The following HTR4 variants were observed in gnomAD, a reference collection of about 807,000 sequenced individuals.
The protein encoded by HTR4 is 5-hydroxytryptamine receptor 4, also known as 5-hydroxytryptamine (serotonin) receptor 4, G protein-coupled.
A neutral mutation model predicts 36.8 loss-of-function variants in HTR4; 16 were observed. The ratio of observed to expected loss-of-function variants is 0.43; its 90% CI spans 0.29 to 0.66. HTR4 has a LOEUF of 0.66. HTR4 is among the 30% of genes least tolerant of loss of function. The probability of loss-of-function intolerance (pLI) is 0.13; values close to 1 mark genes in which losing one functional copy is unlikely to be tolerated. For missense variants in HTR4, 438 were observed against 490.9 expected, an observed-to-expected ratio of 0.89 and a Z score of 1.02; for synonymous variants, 189 against 185.1, an observed-to-expected ratio of 1.02 and a Z score of -0.17.
intron 5 of HTR4, among the ~76,000 whole-genome samples, chr5:148,454,977 G>A (rs1755064976): frequency 6.6e-6 from 1 of 152,128 alleles, no homozygotes; most frequent in African/African-American, 2.4e-5. Context: ...GAGGTGCAGG[G>A]ATATCCCTGA....
At chr5:148,509,260 T>G (rs1056931795) in intron 6 of HTR4, 196 bp downstream of exon 6, 1 of 517,982 alleles carries the variant, frequency 1.9e-6, no homozygotes, top group Non-Finnish European at 3.4e-6. Context: ...TTGATTAGAA[T>G]TCAAGTCAAT....
intron 4 of HTR4, among the ~76,000 whole-genome samples, chr5:148,546,228 C>T (rs1457884869): frequency 6.6e-6 from 1 of 152,124 alleles, no homozygotes; most frequent in African/African-American, 2.4e-5. Context: ...ACAACAACAT[C>T]CACTAACATG....
chr5:148,600,809 A>G (rs1159601652), intron 2 of HTR4, among the ~76,000 whole-genome samples: 1 of 151,838 alleles, frequency 6.6e-6, no homozygotes. Context: ...GACAAAAGCA[A>G]AAATGAACAA....
chr5:148,646,330 G>A (rs1753875799), intron 1 of HTR4: 1 of 152,166 alleles, frequency 6.6e-6, no homozygotes, highest in African/African-American at 2.4e-5. Flanking sequence ...CCAAGAGAAA[G>A]GTTTCTGCAG....
chr5:148,580,045 G>A (rs937856968), intron 2 of HTR4, among the ~76,000 whole-genome samples: 25 of 152,010 alleles, frequency 1.6e-4, no homozygotes, highest in African/African-American at 5.8e-4. Flanking sequence ...ATGTACTCCA[G>A]GGAGCAGGAT....
intron 6 of HTR4, chr5:148,484,338 C>T: frequency 1.9e-6 from 3 of 1,613,170 alleles, no homozygotes; most frequent in Non-Finnish European, 2.5e-6. Context: ...AGGCTTTGTC[C>T]AATACCTTGC....
At chr5:148,517,944 C>T (rs893471259) in intron 5 of HTR4, among the ~76,000 whole-genome samples, 2 of 151,110 alleles carry the variant, frequency 1.3e-5, no homozygotes, top group Non-Finnish European at 3.0e-5. Flanking sequence ...TTTTTTTTTA[C>T]TTCCTCTCCT....
intron 6 of HTR4, among the ~76,000 whole-genome samples, chr5:148,505,708 A>T (rs948474176): frequency 6.6e-6 from 1 of 152,192 alleles, no homozygotes; most frequent in Non-Finnish European, 1.5e-5. Context: ...CAAAAATCAC[A>T]AGCATTCTTA....
chr5:148,467,440 A>T (rs974322360), intron 5 of HTR4, among the ~76,000 whole-genome samples: 14 of 152,198 alleles, frequency 9.2e-5, no homozygotes, highest in Admixed American at 1.3e-4. Flanking sequence ...CCATGTAGAT[A>T]ATATAGACAT....
intron 2 of HTR4, among the ~76,000 whole-genome samples, chr5:148,615,460 C>A (rs879898786): frequency 2.1e-5 from 3 of 140,872 alleles, no homozygotes; most frequent in African/African-American, 8.0e-5. Context: ...TATTCTCACT[C>A]ATAGGTGGGA....
chr5:148,562,532 C>T (rs1336184714), intron 2 of HTR4, among the ~76,000 whole-genome samples: 1 of 152,190 alleles, frequency 6.6e-6, no homozygotes, highest in Non-Finnish European at 1.5e-5. Flanking sequence ...AATCCCTTCA[C>T]TTCTCTCCAA....
At position 148,481,892 on chromosome 5, in the gene HTR4, A is replaced by G. The variant is rs569743741; in HGVS notation, c.*1311T>C. 2.5e-6 allele frequency: 3 copies of G among 1,180,244 alleles called. No individual in the cohort carries two copies. The South Asian group carries it at 1.0e-4, about 41-fold the overall frequency. 73.1% of individuals were successfully genotyped at this position (1,180,244 alleles called of 1,614,324 possible). A position where few individuals can be genotyped will look rare whatever the true frequency, so the allele number is the denominator to read the frequency against. On this transcript the variant is annotated 3_prime_UTR_variant, in exon 7 of 7. Coordinates refer to ENST00000377888, the MANE Select transcript of HTR4 (RefSeq NM_000870.7). ...AAAGGTCAGGGGTCTAAAAGGCCCAAATGAGGAGGGTCGTTCCTTTGAAAC... is the reference window on the plus strand; with the variant it reads ...AAAGGTCAGGGGTCTAAAAGGCCCAGATGAGGAGGGTCGTTCCTTTGAAAC...
chr5:148,452,650 T>C (rs73266432), intron 5 of HTR4, among the ~76,000 whole-genome samples: 1,705 of 152,228 alleles, frequency 0.011, 27 homozygotes, highest in African/African-American at 0.039. Context: ...AGGTGTTGAT[T>C]GAAGAACAGG....
intron 2 of HTR4, among the ~76,000 whole-genome samples, chr5:148,616,042 T>C (rs13182913): frequency 0.26 from 40,146 of 152,078 alleles, 6,185 homozygotes; most frequent in Non-Finnish European, 0.34. Context: ...GAAGCACACA[T>C]AGTAATTCCA....
At chr5:148,452,969 C>T (rs1345354441) in intron 5 of HTR4, among the ~76,000 whole-genome samples, 1 of 152,228 alleles carries the variant, frequency 6.6e-6, no homozygotes, top group Admixed American at 6.5e-5. Flanking sequence ...CTTTGCCATT[C>T]TGCAAACCAA....
At chr5:148,563,147 A>T (rs1481874605) in intron 2 of HTR4, among the ~76,000 whole-genome samples, 1 of 152,068 alleles carries the variant, frequency 6.6e-6, no homozygotes, top group Non-Finnish European at 1.5e-5. Flanking sequence ...TGCTTCCATC[A>T]TCTCAACTCT....
intron 2 of HTR4, among the ~76,000 whole-genome samples, chr5:148,612,760 C>A (rs1193563313): frequency 2.1e-5 from 3 of 142,676 alleles, no homozygotes; most frequent in African/African-American, 7.9e-5. Context: ...TTGAAAGGAT[C>A]AACAAAATTG....
intron 2 of HTR4, among the ~76,000 whole-genome samples, chr5:148,552,629 C>T (rs1336657464): frequency 1.3e-5 from 2 of 152,282 alleles, no homozygotes; most frequent in African/African-American, 4.8e-5. Flanking sequence ...TAAATTTAAC[C>T]CCCAGTTAGT....
At chr5:148,491,516 T>C (rs921765070) in intron 6 of HTR4, among the ~76,000 whole-genome samples, 9 of 152,102 alleles carry the variant, frequency 5.9e-5, no homozygotes, top group African/African-American at 2.2e-4. Context: ...TCTGGAAATC[T>C]GGGGCCAGGA....
Sources: allele counts gnomAD v4.1 joint callset (sites outside exome capture counted in the v4.1 genomes callset), GRCh38; gene constraint gnomAD v4.1.1; transcripts MANE v1.5; gene names NCBI Gene and HGNC (gene_info 2026-07-23, HGNC 2026-07-21).